Variants in LCMT1 observed in about 807,000 individuals in gnomAD.
The protein encoded by LCMT1 is leucine carboxyl methyltransferase 1, also known as [Phosphatase 2A protein]-leucine-carboxy methyltransferase 1.
Under a neutral mutation model 47.7 loss-of-function variants are expected in LCMT1, and 32 were observed. The ratio of observed to expected loss-of-function variants is 0.67; its 90% CI spans 0.51 to 0.90. LCMT1 has a LOEUF of 0.90. Among genes scored for constraint, LCMT1 ranks in the 40% least tolerant of loss-of-function variants. LCMT1 has a pLI of 0.00. For synonymous variants in LCMT1, 152 were observed against 149.7 expected (o/e 1.02, Z -0.11); for missense variants, 375 against 415.2 (o/e 0.90, Z 0.84).
intron 4 of LCMT1, among the ~76,000 whole-genome samples, chr16:25,150,061 GGAGT>G (rs1246867547): frequency 3.3e-5 from 5 of 152,124 alleles, no homozygotes; most frequent in Admixed American, 6.5e-5. Context: ...CTAGTATCAA[GGAGT>G]TTACAGAGTT....
rs187679036 is a variant in LCMT1, at chr16:25,119,875, A to G, written c.113+7879A>G. 2.8e-4 allele frequency among the ~76,000 whole-genome samples: 43 copies of G among 152,214 alleles called. 1 individual carries two copies. In the South Asian group the frequency reaches 4.6e-3, roughly 16 times the overall value. ...CATAAATTAGCTGTAAAACTTGTCT[A>G]TCAGGCCAGGCACGGTGGCTCATGC... On this transcript the variant is annotated intron_variant, in intron 1 of 10. Transcript: ENST00000399069.
chr16:25,174,083 T>G (rs1961856374), intron 9 of LCMT1, among the ~76,000 whole-genome samples: 1 of 152,130 alleles, frequency 6.6e-6, no homozygotes, highest in Non-Finnish European at 1.5e-5. Context: ...GGCTAATTTT[T>G]GTATTTTTAA....
chr16:25,140,550 G>C, intron 4 of LCMT1: 1 of 357,820 alleles, frequency 2.8e-6, no homozygotes, highest in Non-Finnish European at 5.2e-6. Context: ...TCAAGTACTA[G>C]GGAGACAGCA....
chr16:25,126,893 T>G (rs1597566339), intron 1 of LCMT1, among the ~76,000 whole-genome samples: 1 of 152,240 alleles, frequency 6.6e-6, no homozygotes. Context: ...TCCTTAAAAC[T>G]GTGGGATGAG....
At chr16:25,125,132 G>A (rs1960122936) in intron 1 of LCMT1, among the ~76,000 whole-genome samples, 1 of 152,218 alleles carries the variant, frequency 6.6e-6, no homozygotes, top group Non-Finnish European at 1.5e-5. Context: ...TTTGGGAGCA[G>A]AGATGTGTAA....
chr16:25,132,743 A>G (rs1960389763), intron 3 of LCMT1, among the ~76,000 whole-genome samples: 1 of 152,108 alleles, frequency 6.6e-6, no homozygotes, highest in African/African-American at 2.4e-5. Context: ...TGTTGTTACA[A>G]ATGGAGCTAT....
At chr16:25,174,339 C>T (rs1427500556) in intron 9 of LCMT1, among the ~76,000 whole-genome samples, 3 of 151,272 alleles carry the variant, frequency 2.0e-5, no homozygotes, top group East Asian at 1.9e-4. Flanking sequence ...TACTGGTCTA[C>T]TACCTTCTCT....
chr16:25,168,995 C>G, intron 7 of LCMT1, 117 bp from the exon 8 acceptor site: 1 of 729,224 alleles, frequency 1.4e-6, no homozygotes, highest in South Asian at 1.6e-5. Context: ...GTTTCCTATG[C>G]TGGGTGTGCG....
intron 3 of LCMT1, among the ~76,000 whole-genome samples, chr16:25,134,579 C>A (rs901105730): frequency 6.6e-6 from 1 of 152,102 alleles, no homozygotes; most frequent in Admixed American, 6.6e-5. Flanking sequence ...TTCTGTAGAT[C>A]TGTTGTATCT....
At chr16:25,134,610 T>C (rs747638709) in intron 3 of LCMT1, among the ~76,000 whole-genome samples, 1 of 152,200 alleles carries the variant, frequency 6.6e-6, no homozygotes, top group Non-Finnish European at 1.5e-5. Flanking sequence ...GTCATTGTTA[T>C]TTTTGAGACA....
intron 1 of LCMT1, among the ~76,000 whole-genome samples, chr16:25,120,425 C>G (rs1302014302): frequency 6.9e-6 from 1 of 144,066 alleles, no homozygotes; most frequent in Non-Finnish European, 1.5e-5. Flanking sequence ...CTTTTTTTTT[C>G]TTTTTCTTTT....
At chr16:25,138,741 C>T (rs1011829671) in intron 3 of LCMT1, among the ~76,000 whole-genome samples, 2 of 152,150 alleles carry the variant, frequency 1.3e-5, no homozygotes, top group Non-Finnish European at 2.9e-5. Context: ...CTTGCCCTGG[C>T]ACCTTCTTTC....
chr16:25,112,982 A>G (rs1464846604), intron 1 of LCMT1, among the ~76,000 whole-genome samples: 1 of 151,950 alleles, frequency 6.6e-6, no homozygotes, highest in Non-Finnish European at 1.5e-5. Flanking sequence ...CTCTACTAAA[A>G]ATACAAATAT....
intron 2 of LCMT1, 34 bp from the exon 3 acceptor site, chr16:25,132,368 G>T: frequency 6.2e-7 from 1 of 1,611,552 alleles, no homozygotes; most frequent in Non-Finnish European, 8.5e-7. Flanking sequence ...ATCACTGGGT[G>T]ATAGCTTGTT....
In LCMT1 at chr16:25,128,505, C is replaced by A. The variant is rs1475485402; in HGVS notation, c.144C>A (p.Asp48Glu). The change falls in exon 2 of 11, where the codon GAC becomes GAA. Residue 48 changes from aspartate (D) to glutamate (E), a missense_variant. Physicochemically the swap from Asp to Glu is conservative, Grantham distance 45. Coordinates refer to ENST00000399069, the MANE Select transcript of LCMT1 (RefSeq NM_016309.3). ...CAGTAAGCATTGGCTACTGGCATGA[C>A]CCTTACATACAGCACTTTGTGAGAC... ...RFAVSIGYWH[D>E]PYIQHFVRLS... 2 of 1,610,736 alleles carry A rather than the reference C, an allele frequency of 1.2e-6. No individual in the cohort carries two copies. The highest frequency in any genetic ancestry group is 1.1e-5 in the South Asian group (1 of 90,146).
Position 25,111,814 on chromosome 16 carries a change from CGT to C in LCMT1, c.-69_-68del. On this transcript the variant is annotated 5_prime_UTR_variant, in exon 1 of 11. Coordinates refer to ENST00000399069, the MANE Select transcript of LCMT1 (RefSeq NM_016309.3). ...GTTGCTTTCTCCCTGTGGCTCGCGC[CGT>C]CCCCCGCCGCCCGTCGACCCCGCTT... The C allele has an allele frequency of 1.9e-6, 2 of 1,031,274 alleles. No homozygotes were observed. The allele number at this position is 1,031,274 out of a possible 1,614,324, so 63.9% of individuals were successfully genotyped here.
At chr16:25,147,007 A>G (rs1464063523) in intron 4 of LCMT1, 3 of 152,184 alleles carry the variant, frequency 2.0e-5, no homozygotes, top group East Asian at 1.9e-4. Flanking sequence ...AGATGACTGC[A>G]TATTGGTCTT....
At chr16:25,156,875 G>A (rs1961271872) in intron 5 of LCMT1, among the ~76,000 whole-genome samples, 1 of 151,840 alleles carries the variant, frequency 6.6e-6, no homozygotes, top group Non-Finnish European at 1.5e-5. Flanking sequence ...AGTGTCAGTT[G>A]GGTGGTCAGA....
intron 4 of LCMT1, chr16:25,147,686 T>A (rs1479347913): frequency 6.6e-6 from 1 of 151,946 alleles, no homozygotes; most frequent in Admixed American, 6.6e-5. Context: ...TCTTTTTTTT[T>A]AATTAAAAAA....
Sources: allele counts gnomAD v4.1 joint callset (sites outside exome capture counted in the v4.1 genomes callset), GRCh38; gene constraint gnomAD v4.1.1; transcripts MANE v1.5; gene names NCBI Gene and HGNC (gene_info 2026-07-23, HGNC 2026-07-21).